INPP5A: variants seen among roughly 807,000 people sequenced by gnomAD.
INPP5A encodes the protein inositol polyphosphate-5-phosphatase A, also known as 43 kDa inositol polyphosphate 5-phophatase.
INPP5A carries 14 observed loss-of-function variants against 65.2 expected under a neutral mutation model. The ratio of observed to expected loss-of-function variants is 0.21; its 90% CI spans 0.14 to 0.34. INPP5A has a LOEUF of 0.34. Among genes scored for constraint, INPP5A ranks in the 10% least tolerant of loss-of-function variants. The pLI is 1.00. For missense variants in INPP5A, 431 were observed against 545.6 expected, an observed-to-expected ratio of 0.79 and a Z score of 2.09; for synonymous variants, 207 against 208.3, an observed-to-expected ratio of 0.99 and a Z score of 0.05.
At position 132,574,367 on chromosome 10, in the gene INPP5A, T is replaced by G. The variant is rs28710026; in HGVS notation, c.76-33548T>G. 6.5e-3 allele frequency among the ~76,000 whole-genome samples: 745 copies of G among 115,142 alleles called. 6 individuals carry two copies. The highest frequency in any genetic ancestry group is 0.021 in the South Asian group (71 of 3,400). The allele number at this position is 115,142 out of a possible 152,430, so 75.5% of individuals were successfully genotyped here. A position where few individuals can be genotyped will look rare whatever the true frequency, so the allele number is the denominator to read the frequency against. On this transcript the variant is annotated intron_variant, in intron 1 of 15. Coordinates refer to ENST00000368594, the MANE Select transcript of INPP5A (RefSeq NM_005539.5). ...GAGATGTTGGGATGTGCGTGCCGTGTGAGGTTTTGTTGAGATGTTGGGGTG... is the reference window on the plus strand; with the variant it reads ...GAGATGTTGGGATGTGCGTGCCGTGGGAGGTTTTGTTGAGATGTTGGGGTG...
chr10:132,756,464 A>G (rs1846620170), intron 11 of INPP5A, among the ~76,000 whole-genome samples: 1 of 151,778 alleles, frequency 6.6e-6, no homozygotes, highest in African/African-American at 2.4e-5. Context: ...AGTCAACAAC[A>G]GACTACATAT....
At chr10:132,700,973 C>T (rs1845427318) in intron 6 of INPP5A, among the ~76,000 whole-genome samples, 1 of 151,974 alleles carries the variant, frequency 6.6e-6, no homozygotes, top group South Asian at 2.1e-4. Context: ...TCATTTTTTT[C>T]CTTTTGCCCG....
At position 132,722,796 on chromosome 10, in the gene INPP5A, T is replaced by C. The variant is rs1449676788; in HGVS notation, c.648-4025T>C. Among the ~76,000 whole-genome samples the C allele has an allele frequency of 1.3e-5, 2 of 152,338 alleles. 1 individual carries two copies. Among genetic ancestry groups the C allele is most frequent in the South Asian group, 4.1e-4 (2 of 4,824 alleles). ...TTTTCAAGGCCTAAAAAATTGATTTTTATGGCTCTTCTTGTAATTCTCTTT... is the reference window on the plus strand; with the variant it reads ...TTTTCAAGGCCTAAAAAATTGATTTCTATGGCTCTTCTTGTAATTCTCTTT... On this transcript the variant is annotated intron_variant, in intron 8 of 15. Transcript: ENST00000368594.
rs1847174881 is a variant in INPP5A at position 132,782,144 on chromosome 10, G to A, written c.*115G>A. The A allele has an allele frequency of 6.6e-7, 1 of 1,511,070 alleles. No homozygotes were observed. Among genetic ancestry groups the A allele is most frequent in the Non-Finnish European group, 8.9e-7 (1 of 1,119,472 alleles). 93.6% of individuals were successfully genotyped at this position (1,511,070 alleles called of 1,614,324 possible). A position where few individuals can be genotyped will look rare whatever the true frequency, so the allele number is the denominator to read the frequency against. On this transcript the variant is annotated 3_prime_UTR_variant, in exon 16 of 16. Coordinates refer to ENST00000368594, the MANE Select transcript of INPP5A (RefSeq NM_005539.5). This position sits in a 1 kb window ranked among gnomAD's most constrained non-coding sequence, Gnocchi z 4.4. ...TCGAGAACCCGCCCAAGCGCCACCT[G>A]CTAGACGGCCAGCCCCACACTTCGC... is the stretch of plus-strand genomic sequence containing the variant.
chr10:132,662,004 A>G (rs1442835474), intron 4 of INPP5A, among the ~76,000 whole-genome samples: 2 of 152,230 alleles, frequency 1.3e-5, no homozygotes, highest in Admixed American at 1.3e-4. Flanking sequence ...AAACCACATG[A>G]AAATTTAGCT....
chr10:132,773,365 A>T (rs1339568858), intron 12 of INPP5A, among the ~76,000 whole-genome samples: 1 of 152,186 alleles, frequency 6.6e-6, no homozygotes, highest in Admixed American at 6.5e-5. Flanking sequence ...ATCGAGTTTT[A>T]GCTTCTGAAA....
At chr10:132,756,343 T>C (rs779761869) in intron 11 of INPP5A, among the ~76,000 whole-genome samples, 12 of 152,082 alleles carry the variant, frequency 7.9e-5, no homozygotes, top group Non-Finnish European at 1.6e-4. Flanking sequence ...GTGTGTGGTG[T>C]ATGCATGTGT....
At chr10:132,580,916 A>T (rs960821536) in intron 1 of INPP5A, among the ~76,000 whole-genome samples, 1 of 152,268 alleles carries the variant, frequency 6.6e-6, no homozygotes, top group Non-Finnish European at 1.5e-5. Context: ...AATTATACAC[A>T]GCAAAATATA....
At chr10:132,567,296 C>A (rs764572422) in intron 1 of INPP5A, among the ~76,000 whole-genome samples, 21 of 152,218 alleles carry the variant, frequency 1.4e-4, no homozygotes, top group Non-Finnish European at 3.1e-4. Flanking sequence ...CTCTCTTTTA[C>A]TTGGGCAACT....
rs545506056 is a variant in INPP5A, at chr10:132,539,557, C to T, written c.75+1386C>T. ...CACTGGGAGCTCCCCAGAGGCAGGC[C>T]GGTCTGACCTAGTTTGGCGTTTCAG... On this transcript the variant is annotated intron_variant, in intron 1 of 15. Transcript: ENST00000368594. Among the ~76,000 whole-genome samples the T allele has an allele frequency of 2.0e-5, 3 of 149,716 alleles. No individual in the cohort carries two copies. The East Asian group carries it at 5.9e-4, about 29-fold the overall frequency.
chr10:132,597,741 C>G (rs1338925934), intron 1 of INPP5A, among the ~76,000 whole-genome samples: 2 of 132,696 alleles, frequency 1.5e-5, no homozygotes, highest in African/African-American at 2.8e-5. Context: ...TGTGGTGCGT[C>G]CTGCGGGGCT....
intron 4 of INPP5A, among the ~76,000 whole-genome samples, chr10:132,688,235 A>G (rs557512328): frequency 6.6e-6 from 1 of 152,324 alleles, no homozygotes; most frequent in East Asian, 1.9e-4. Context: ...GGCCCAGAAC[A>G]TAAGTCCCCT....
At chr10:132,769,331 CT>C (rs1459767600) in intron 12 of INPP5A, among the ~76,000 whole-genome samples, 1 of 152,186 alleles carries the variant, frequency 6.6e-6, no homozygotes, top group Non-Finnish European at 1.5e-5. Flanking sequence ...CAAAAGTGAC[CT>C]GTTTGAGGCG....
At chr10:132,699,839 G>C (rs957020147) in intron 6 of INPP5A, among the ~76,000 whole-genome samples, 6 of 152,294 alleles carry the variant, frequency 3.9e-5, no homozygotes, top group African/African-American at 1.4e-4. Flanking sequence ...CATGCCTCAG[G>C]CTTCTCTTTT....
At chr10:132,765,917 G>A in intron 12 of INPP5A, 71 bp downstream of exon 12, 1 of 867,282 alleles carries the variant, frequency 1.2e-6, no homozygotes, top group South Asian at 1.3e-5. Context: ...AGTCTCTGGT[G>A]CATCTGCGTG....
In INPP5A at chr10:132,678,387, G is replaced by T. The variant is rs1444502490; in HGVS notation, c.307-12005G>T. Among the ~76,000 whole-genome samples the T allele has an allele frequency of 6.6e-6, 1 of 152,026 alleles. No individual in the cohort carries two copies. Among genetic ancestry groups the T allele is most frequent in the Non-Finnish European group, 1.5e-5 (1 of 67,966 alleles). On this transcript the variant is annotated intron_variant, in intron 4 of 15. Transcript: ENST00000368594. This position sits in a 1 kb window ranked among gnomAD's most constrained non-coding sequence, Gnocchi z 4.1. ...ATGACTGTTATTATAACTTTGCTTT[G>T]ATTTATTACTCAATCTGTTAAATTG... is the stretch of plus-strand genomic sequence containing the variant.
intron 9 of INPP5A, among the ~76,000 whole-genome samples, chr10:132,732,182 A>G (rs1185448845): frequency 6.6e-6 from 1 of 152,254 alleles, no homozygotes; most frequent in Non-Finnish European, 1.5e-5. Flanking sequence ...CATGCTGGAC[A>G]GACGTGGGTC....
At chr10:132,539,725 C>T (rs982575078) in intron 1 of INPP5A, among the ~76,000 whole-genome samples, 3 of 150,388 alleles carry the variant, frequency 2.0e-5, no homozygotes, top group Non-Finnish European at 2.9e-5. Flanking sequence ...AGTGGGGCAC[C>T]GCACCAGCTT....
At chr10:132,541,420 C>A (rs865930874) in intron 1 of INPP5A, among the ~76,000 whole-genome samples, 3 of 152,184 alleles carry the variant, frequency 2.0e-5, no homozygotes, top group African/African-American at 7.2e-5. Context: ...GGCCATGCTG[C>A]GGGCTGCGGG....
Sources: allele counts gnomAD v4.1 joint callset (sites outside exome capture counted in the v4.1 genomes callset), GRCh38; gene constraint gnomAD v4.1.1; non-coding constraint Gnocchi (gnomAD v3.1); transcripts MANE v1.5; gene names NCBI Gene and HGNC (gene_info 2026-07-23, HGNC 2026-07-21).